Variants in SEC24B observed in about 807,000 individuals in gnomAD.
SEC24B encodes the protein SEC24 homolog B, COPII component, also known as protein transport protein Sec24B.
SEC24B carries 45 observed loss-of-function variants against 142.8 expected under a neutral mutation model. The ratio of observed to expected loss-of-function variants is 0.32; its 90% CI spans 0.25 to 0.40. The LOEUF (loss-of-function observed/expected upper bound fraction) is 0.40, where lower values mean the gene tolerates loss of function less well. SEC24B is among the 10% of genes least tolerant of loss of function. The probability of loss-of-function intolerance (pLI) is 1.00; values close to 1 mark genes in which losing one functional copy is unlikely to be tolerated. For missense variants in SEC24B, 1,409 were observed against 1,526.8 expected (o/e 0.92, Z 1.29); for synonymous variants, 574 against 568.2 (o/e 1.01, Z -0.15).
intron 1 of SEC24B, among the ~76,000 whole-genome samples, chr4:109,456,203 A>T (rs1730648911): frequency 6.6e-6 from 1 of 152,022 alleles, no homozygotes; most frequent in Admixed American, 6.6e-5. Context: ...GACATAATTG[A>T]TTCTTGTATA....
chr4:109,456,340 T>TTTTG (rs1553995204), intron 1 of SEC24B, among the ~76,000 whole-genome samples: 1 of 149,656 alleles, frequency 6.7e-6, no homozygotes, highest in Admixed American at 6.6e-5. Context: ...TTTTGTTTTT[T>TTTTG]TTTTTTTTTT....
intron 12 of SEC24B, 131 bp from the exon 13 acceptor site, chr4:109,520,986 C>G (rs1723546833): frequency 1.7e-6 from 1 of 594,798 alleles, no homozygotes; most frequent in Non-Finnish European, 3.0e-6. Context: ...GAGCAAAACT[C>G]CATCTCAAAA....
intron 14 of SEC24B, 138 bp from the exon 15 acceptor site, chr4:109,524,680 A>C (rs1482965953): frequency 1.5e-5 from 9 of 601,452 alleles, no homozygotes; most frequent in Non-Finnish European, 2.8e-6. Flanking sequence ...TATCATAGGG[A>C]ATCTGCACCA....
In SEC24B at chr4:109,509,998, G is replaced by GT. The variant is rs775797156; in HGVS notation, c.1674-5dup. ...AGCTAATATCCTCCATGTTGTTTAT[G>GT]TTTTTTGCAGTTCATTTCGGTGTAC... On this transcript the variant is annotated splice_polypyrimidine_tract_variant and intron_variant, in intron 7 of 23. Transcript: ENST00000265175. 7.7e-6 allele frequency: 12 copies of GT among 1,549,334 alleles called. No homozygotes were observed. In the Admixed American group the frequency reaches 1.3e-4, roughly 17 times the overall value.
chr4:109,517,971 ATTTATTTATTTT>A (rs1315162815), intron 11 of SEC24B, among the ~76,000 whole-genome samples: 3 of 150,496 alleles, frequency 2.0e-5, no homozygotes, highest in African/African-American at 7.5e-5. Flanking sequence ...TTATTTATTT[ATTTATTTATTTT>A]TTGAGACAGA....
chr4:109,501,727 C>T (rs1284764160), intron 6 of SEC24B, among the ~76,000 whole-genome samples: 1 of 152,216 alleles, frequency 6.6e-6, no homozygotes, highest in East Asian at 1.9e-4. Flanking sequence ...CTGCTTCGGC[C>T]TCCCAAAGTG....
chr4:109,511,471 A>G (rs1419435208), intron 8 of SEC24B, among the ~76,000 whole-genome samples: 2 of 152,202 alleles, frequency 1.3e-5, no homozygotes, highest in Non-Finnish European at 2.9e-5. Context: ...ATATTTTCTA[A>G]AGTTTCTACT....
At chr4:109,521,886 C>A in intron 14 of SEC24B, among the ~76,000 whole-genome samples, 1 of 151,918 alleles carries the variant, frequency 6.6e-6, no homozygotes, top group East Asian at 1.9e-4. Context: ...CGTGCACCAC[C>A]ACACCCGGCT....
At chr4:109,473,224 A>G (rs764385858) in intron 3 of SEC24B, 38 bp downstream of exon 3, 2 of 1,316,264 alleles carry the variant, frequency 1.5e-6, no homozygotes, top group Non-Finnish European at 2.0e-6. Flanking sequence ...GCACACAGAC[A>G]CACATACGTA....
In SEC24B at chr4:109,539,876, G is replaced by A. The variant is rs1726007728; in HGVS notation, c.*201G>A. The A allele has an allele frequency of 1.8e-6, 1 of 548,648 alleles. No individual in the cohort carries two copies. Among genetic ancestry groups the A allele is most frequent in the Non-Finnish European group, 3.2e-6 (1 of 312,804 alleles). 34.0% of individuals were successfully genotyped at this position (548,648 alleles called of 1,614,324 possible). A position where few individuals can be genotyped will look rare whatever the true frequency, so the allele number is the denominator to read the frequency against. ...TTCAACTCAAATTAATGGTAACGAT[G>A]ATGCTGTTTCACCAAGTATATTTTG... On this transcript the variant is annotated 3_prime_UTR_variant, in exon 24 of 24. Transcript: ENST00000265175.
chr4:109,475,487 A>AT (rs1331677217), intron 3 of SEC24B, among the ~76,000 whole-genome samples: 4 of 152,010 alleles, frequency 2.6e-5, no homozygotes, highest in East Asian at 1.9e-4. Context: ...AAGACTAAGC[A>AT]TTTTTTTTCT....
Position 109,462,930 on chromosome 4 carries a change from T to C in SEC24B, c.163T>C (p.Ser55Pro). Residue 55 changes from serine to proline, a missense_variant, in exon 2 of 24, where the codon TCT becomes CCT. Physicochemically the swap from Ser to Pro is moderately conservative, Grantham distance 74. This residue lies in a region of SEC24B where 709 missense variants were observed against 673.5 expected (regional missense o/e 1.05). Transcript: ENST00000265175. ...AGCCCAGAATCAAATGCAGGTTCCA[T>C]CTGGATATGGATTGCATCATCAAAA... ...GPAQNQMQVP[S>P]GYGLHHQNYI... The C allele has an allele frequency of 6.2e-7, 1 of 1,611,234 alleles. No individual in the cohort carries two copies. Among genetic ancestry groups the C allele is most frequent in the Non-Finnish European group, 8.5e-7 (1 of 1,179,896 alleles).
At chr4:109,512,168 T>G in intron 9 of SEC24B, 85 bp downstream of exon 9, 1 of 1,246,722 alleles carries the variant, frequency 8.0e-7, no homozygotes, top group Middle Eastern at 2.8e-4. Flanking sequence ...GTTTCTCTCT[T>G]CATTGCTTTA....
At chr4:109,507,668 G>A (rs772872895) in intron 7 of SEC24B, among the ~76,000 whole-genome samples, 14 of 148,110 alleles carry the variant, frequency 9.5e-5, no homozygotes, top group Non-Finnish European at 1.6e-4. Context: ...TTTTTGAGAC[G>A]GAGTTTCGCT....
At chr4:109,449,623 T>C in intron 1 of SEC24B, 1 of 420,288 alleles carries the variant, frequency 2.4e-6, no homozygotes, top group East Asian at 7.3e-5. Flanking sequence ...ACCTTGTCAC[T>C]GTGTGCTCAC....
At chr4:109,528,753 C>A (rs542325217) in intron 18 of SEC24B, among the ~76,000 whole-genome samples, 146 of 151,882 alleles carry the variant, frequency 9.6e-4, no homozygotes, top group African/African-American at 3.0e-3. Context: ...TGAACTTAGA[C>A]ATGAAACAAG....
intron 1 of SEC24B, among the ~76,000 whole-genome samples, chr4:109,456,169 C>T (rs74338594): frequency 0.072 from 10,917 of 151,792 alleles, 560 homozygotes; most frequent in African/African-American, 0.14. Context: ...TCTTAATTCC[C>T]CTTGTTTACT....
intron 1 of SEC24B, among the ~76,000 whole-genome samples, chr4:109,435,289 A>G (rs1007325003): frequency 6.6e-6 from 1 of 152,240 alleles, no homozygotes. Flanking sequence ...ATTGTTTACT[A>G]TAATCGCTTT....
In SEC24B at chr4:109,539,669, T is replaced by G; in HGVS notation, c.3801T>G (p.Cys1267Trp). The change falls in exon 24 of 24, where the codon TGT becomes TGG. Residue 1267 changes from cysteine to tryptophan, a missense_variant. Cys to Trp is a radical substitution (Grantham distance 215, BLOSUM62 -2). Coordinates refer to ENST00000265175, the MANE Select transcript of SEC24B (RefSeq NM_006323.5). The stretch of plus-strand genomic sequence containing the variant: ...TGCTTCATGTTCAGCAGCAGATTTG[T>G]AAGTGAAGTAGAATAAAATTGAATA... The part of the protein sequence containing the change: ...EFLLHVQQQI[C>W]K The G allele has an allele frequency of 1.9e-6, 3 of 1,589,324 alleles. No homozygotes were observed. The highest frequency in any genetic ancestry group is 2.6e-6 in the Non-Finnish European group (3 of 1,157,684).
Sources: allele counts gnomAD v4.1 joint callset (sites outside exome capture counted in the v4.1 genomes callset), GRCh38; gene constraint gnomAD v4.1.1; regional missense constraint gnomAD v4.1.1; transcripts MANE v1.5; gene names NCBI Gene and HGNC (gene_info 2026-07-23, HGNC 2026-07-21).